RAD50: variants seen among roughly 807,000 people sequenced by gnomAD.
RAD50 encodes the protein RAD50 double strand break repair protein, also known as DNA repair protein RAD50.
In RAD50, 132 loss-of-function variants were observed where a neutral mutation model predicts 168.8. That is an observed-to-expected ratio of 0.78 (90% confidence interval 0.68 to 0.90). The LOEUF is 0.90. Ranked by LOEUF, RAD50 falls within the 40% of genes least tolerant of loss-of-function variation. The pLI, the probability that RAD50 is intolerant of heterozygous loss-of-function variation, is 0.00. For synonymous variants in RAD50, 525 were observed against 497.4 expected (o/e 1.06, Z -0.74); for missense variants, 1,347 against 1,534.4 (o/e 0.88, Z 2.04).
intron 13 of RAD50, among the ~76,000 whole-genome samples, chr5:132,598,472 T>C (rs1024632424): frequency 2.0e-5 from 3 of 152,240 alleles, no homozygotes; most frequent in Non-Finnish European, 2.9e-5. Context: ...GTTCCAATTA[T>C]TTATTGCTAT....
At chr5:132,606,162 CTT>C (rs1367376034) in intron 16 of RAD50, among the ~76,000 whole-genome samples, 2 of 152,020 alleles carry the variant, frequency 1.3e-5, no homozygotes, top group African/African-American at 2.4e-5. Flanking sequence ...ACGAAAAACC[CTT>C]CAAAAAAATC....
chr5:132,605,501 C>T (rs114505629), intron 16 of RAD50, among the ~76,000 whole-genome samples: 51 of 151,886 alleles, frequency 3.4e-4, no homozygotes, highest in African/African-American at 1.1e-3. Flanking sequence ...CACACCACCA[C>T]GCCTGGCTAA....
chr5:132,642,028 C>T (rs1307350227), intron 24 of RAD50, 150 bp from the exon 25 acceptor site: 1 of 793,154 alleles, frequency 1.3e-6, no homozygotes, highest in East Asian at 2.7e-5. Context: ...GGCCTGAAGG[C>T]CTGGGGCCAC....
Position 132,557,053 on chromosome 5 carries a change from G to A in RAD50, c.-272G>A. 1 of 649,180 alleles carries A rather than the reference G, an allele frequency of 1.5e-6. No individual in the cohort carries two copies. Among genetic ancestry groups the A allele is most frequent in the Non-Finnish European group, 2.5e-6 (1 of 402,698 alleles). 40.2% of individuals were successfully genotyped at this position (649,180 alleles called of 1,614,324 possible). ...GGTCGCATTGTGGCTACGGCTTTGC[G>A]TCCCCGGCGGGCAGCCCCAGGCTGG... On this transcript the variant is annotated 5_prime_UTR_variant, in exon 1 of 25. Coordinates refer to ENST00000378823, the MANE Select transcript of RAD50 (RefSeq NM_005732.4).
intron 10 of RAD50, among the ~76,000 whole-genome samples, chr5:132,591,608 T>C (rs1244502961): frequency 6.6e-6 from 1 of 152,186 alleles, no homozygotes; most frequent in East Asian, 1.9e-4. Flanking sequence ...AATGTATATA[T>C]ATGTATATAC....
At chr5:132,586,557 ATATGAACGTTTACGTTC>A (rs1194843261) in intron 5 of RAD50, among the ~76,000 whole-genome samples, 1 of 152,244 alleles carries the variant, frequency 6.6e-6, no homozygotes, top group Admixed American at 6.5e-5. Flanking sequence ...GTTCATTTGT[ATATGAACGTTTACGTTC>A]ATATACAAAT....
intron 21 of RAD50, among the ~76,000 whole-genome samples, chr5:132,625,678 C>T (rs1475832201): frequency 6.6e-6 from 1 of 152,042 alleles, no homozygotes; most frequent in African/African-American, 2.4e-5. Flanking sequence ...TAACCATCTC[C>T]ACTGCCCTTC....
rs1291278527 is a variant in RAD50, at chr5:132,595,528, T to C, written c.1970-45T>C. On this transcript the variant is annotated intron_variant, in intron 12 of 24. Transcript: ENST00000378823. ...CAACCGTATTCAGAATACTGTATTT[T>C]ATGTTTTTTTCTCATTGGTGATATA... 4 of 1,303,684 alleles carry C rather than the reference T, an allele frequency of 3.1e-6. No homozygotes were observed. The South Asian group carries it at 4.8e-5, about 16-fold the overall frequency. The allele number at this position is 1,303,684 out of a possible 1,614,324, so 80.8% of individuals were successfully genotyped here.
At chr5:132,627,975 G>A (rs1461109284) in intron 21 of RAD50, among the ~76,000 whole-genome samples, 2 of 152,188 alleles carry the variant, frequency 1.3e-5, no homozygotes, top group South Asian at 2.1e-4. Context: ...TTGAGTGTAA[G>A]GGAGGGAAAG....
At chr5:132,639,671 G>GGAGA (rs1330622934) in intron 23 of RAD50, among the ~76,000 whole-genome samples, 1 of 152,170 alleles carries the variant, frequency 6.6e-6, no homozygotes, top group African/African-American at 2.4e-5. Context: ...TGGTGTGAGG[G>GGAGA]GAGAGAACAA....
chr5:132,592,488 A>G (rs1750720986), intron 11 of RAD50, among the ~76,000 whole-genome samples: 1 of 152,220 alleles, frequency 6.6e-6, no homozygotes, highest in African/African-American at 2.4e-5. Context: ...GTTTGATGAG[A>G]GGAATGAGCA....
rs201838366 is a variant in RAD50, at chr5:132,586,003, GT to G, written c.757-1556del. Among the ~76,000 whole-genome samples, 138 of 152,236 alleles carry G rather than the reference GT, an allele frequency of 9.1e-4. 10 individuals carry two copies. The East Asian group carries it at 0.026, about 29-fold the overall frequency. On this transcript the variant is annotated intron_variant, in intron 5 of 24. Coordinates refer to ENST00000378823, the MANE Select transcript of RAD50 (RefSeq NM_005732.4). ...GAGTTTTAAATTTTGATCAGGTACAGTTTATAAACTTTTTTCTCTTATGGTT... is the reference window on the plus strand; with the variant it reads ...GAGTTTTAAATTTTGATCAGGTACAGTTATAAACTTTTTTCTCTTATGGTT...
At position 132,643,739 on chromosome 5, in the gene RAD50, A is replaced by C; in HGVS notation, c.*1375A>C. The C allele has an allele frequency of 4.4e-6, 1 of 226,318 alleles. No homozygotes were observed. The allele number at this position is 226,318 out of a possible 1,614,324, so 14.0% of individuals were successfully genotyped here. On this transcript the variant is annotated 3_prime_UTR_variant, in exon 25 of 25. Coordinates refer to ENST00000378823, the MANE Select transcript of RAD50 (RefSeq NM_005732.4). ...TGGTGGTGGGGTGGGGGGGGGTCCT[A>C]AATGTAATCACGAGTAAGATTAAGA...
In RAD50 at chr5:132,587,952, A is replaced by G. The variant is rs876660246; in HGVS notation, c.914A>G (p.Asn305Ser). 6.2e-7 allele frequency: 1 copy of G among 1,613,214 alleles called. No homozygotes were observed. Among genetic ancestry groups the G allele is most frequent in the Non-Finnish European group, 8.5e-7 (1 of 1,179,482 alleles). Residue 305 changes from asparagine (N) to serine (S), a missense_variant, in exon 7 of 25, where the codon AAT (asparagine) becomes AGT (serine). Asn to Ser is a conservative substitution (Grantham distance 46). Around this residue, in one of 3 missense-constraint regions of RAD50, gnomAD observed 703 missense variants for 767.7 expected, o/e 0.92. Transcript: ENST00000378823. ...KVFQGTDEQL[N>S]DLYHNHQRTV... ...TTTCAAGGGACTGATGAGCAACTAA[A>G]TGACTTATATCACAATCACCAGAGA...
chr5:132,630,513 A>T (rs768626090), intron 21 of RAD50: 2 of 152,320 alleles, frequency 1.3e-5, no homozygotes, highest in South Asian at 2.1e-4. Flanking sequence ...TATCATGACC[A>T]TGGATGCAGT....
chr5:132,584,340 A>G (rs1232671168), intron 5 of RAD50, among the ~76,000 whole-genome samples: 1 of 151,898 alleles, frequency 6.6e-6, no homozygotes. Flanking sequence ...TCCTTCACCC[A>G]CTTTTTGATG....
chr5:132,628,854 A>C (rs190537261), intron 21 of RAD50, among the ~76,000 whole-genome samples: 1 of 152,282 alleles, frequency 6.6e-6, no homozygotes, highest in Non-Finnish European at 1.5e-5. Flanking sequence ...TCTCAGAAAA[A>C]AAAAAGAAAA....
chr5:132,614,350 C>G (rs1751138609), intron 19 of RAD50, among the ~76,000 whole-genome samples: 1 of 152,180 alleles, frequency 6.6e-6, no homozygotes, highest in Admixed American at 6.5e-5. Flanking sequence ...TGGTAAGTCA[C>G]ACCAGCTACA....
intron 21 of RAD50, among the ~76,000 whole-genome samples, chr5:132,620,601 T>C (rs1038870308): frequency 4.6e-5 from 7 of 152,226 alleles, no homozygotes; most frequent in Admixed American, 3.9e-4. Context: ...TCCTGCCTTT[T>C]TGAGATGGAT....
Sources: allele counts gnomAD v4.1 joint callset (sites outside exome capture counted in the v4.1 genomes callset), GRCh38; gene constraint gnomAD v4.1.1; regional missense constraint gnomAD v4.1.1; transcripts MANE v1.5; gene names NCBI Gene and HGNC (gene_info 2026-07-23, HGNC 2026-07-21).